The following PDE11A variants were observed in gnomAD, a reference collection of about 807,000 sequenced individuals.
PDE11A encodes the protein phosphodiesterase 11A.
A neutral mutation model predicts 100.5 loss-of-function variants in PDE11A; 100 were observed. The observed-to-expected ratio is 1.00, with a 90% CI of 0.85 to 1.18. The LOEUF (loss-of-function observed/expected upper bound fraction) is 1.18. Among genes scored for constraint, PDE11A ranks in the 50% most tolerant of loss-of-function variants. The probability of loss-of-function intolerance (pLI) is 0.00; values close to 1 mark genes in which losing one functional copy is unlikely to be tolerated. For synonymous variants in PDE11A, 381 were observed against 420.8 expected, an observed-to-expected ratio of 0.91 and a Z score of 1.16; for missense variants, 1,141 against 1,152.6, an observed-to-expected ratio of 0.99 and a Z score of 0.15.
At chr2:177,635,539 A>G (rs1273613890) in intron 19 of PDE11A, among the ~76,000 whole-genome samples, 1 of 152,196 alleles carries the variant, frequency 6.6e-6, no homozygotes, top group Non-Finnish European at 1.5e-5. Context: ...TGTGACCAGC[A>G]TATACAGTTT....
chr2:177,998,542 AT>A (rs2086105206), intron 2 of PDE11A: 1 of 1,324,034 alleles, frequency 7.6e-7, no homozygotes, highest in South Asian at 1.2e-5. Context: ...CGTCAAATAG[AT>A]ACATCTTCAT....
chr2:177,943,842 G>A (rs1395065762), intron 2 of PDE11A, among the ~76,000 whole-genome samples: 2 of 152,026 alleles, frequency 1.3e-5, no homozygotes, highest in Non-Finnish European at 2.9e-5. Flanking sequence ...ATTCCTACTA[G>A]GTTTTATGGT....
chr2:177,855,295 G>A (rs929739598), intron 5 of PDE11A, among the ~76,000 whole-genome samples: 5 of 151,990 alleles, frequency 3.3e-5, no homozygotes, highest in African/African-American at 1.2e-4. Flanking sequence ...AAGAGAAGAG[G>A]AAAGAAGTTC....
chr2:177,840,378 T>C lies in PDE11A; in HGVS notation c.1373A>G (p.Lys458Arg), dbSNP rs1243001543. 9.9e-6 allele frequency: 16 copies of C among 1,613,796 alleles called. No individual in the cohort carries two copies. Among genetic ancestry groups the C allele is most frequent in the Non-Finnish European group, 1.4e-5 (16 of 1,179,810 alleles). Residue 458 changes from lysine to arginine, a missense_variant, in exon 6 of 20, where the codon AAA becomes AGA. Lys to Arg is a conservative substitution (Grantham distance 26). Coordinates refer to ENST00000286063, the MANE Select transcript of PDE11A (RefSeq NM_016953.4). ...GTATGATGATTTCTCCATGCTTTCT[T>C]TGAAACTATCAGAGCACCAAGGTAG... ...KCSADAENSF[K>R]ESMEKSSYSD... is the part of the protein sequence containing the mutation.
At chr2:178,030,162 G>GA (rs550318282) in intron 1 of PDE11A, among the ~76,000 whole-genome samples, 1 of 151,424 alleles carries the variant, frequency 6.6e-6, no homozygotes, top group Non-Finnish European at 1.5e-5. Context: ...AATCAGGAGA[G>GA]AAAAAAAAGA....
At chr2:177,675,032 G>A (rs1221951764) in intron 17 of PDE11A, among the ~76,000 whole-genome samples, 4 of 151,790 alleles carry the variant, frequency 2.6e-5, no homozygotes, top group African/African-American at 9.7e-5. Flanking sequence ...GACCACAGAG[G>A]TTTCTGATAT....
At chr2:177,838,606 G>A (rs1256007243) in intron 6 of PDE11A, among the ~76,000 whole-genome samples, 1 of 152,174 alleles carries the variant, frequency 6.6e-6, no homozygotes. Context: ...CTCCCCCAGA[G>A]GCCTAGCTAA....
At chr2:177,789,501 C>G (rs1367637711) in intron 9 of PDE11A, among the ~76,000 whole-genome samples, 3 of 151,540 alleles carry the variant, frequency 2.0e-5, no homozygotes, top group African/African-American at 7.3e-5. Context: ...CCCTCTGTCA[C>G]CACTCCTATT....
At chr2:177,768,698 T>G (rs1311407981) in intron 10 of PDE11A, among the ~76,000 whole-genome samples, 15 of 152,184 alleles carry the variant, frequency 9.9e-5, no homozygotes, top group Admixed American at 9.8e-4. Flanking sequence ...CATCAGATGT[T>G]GGAGTTGAAA....
intron 4 of PDE11A, among the ~76,000 whole-genome samples, chr2:177,887,316 A>G (rs1350981311): frequency 1.3e-5 from 2 of 152,240 alleles, no homozygotes; most frequent in African/African-American, 4.8e-5. Context: ...AGAATCTGTT[A>G]AGCTAAAAAT....
Position 177,822,685 on chromosome 2 carries a change from T to C in PDE11A, c.1501-2390A>G, listed in dbSNP as rs2083159211. On this transcript the variant is annotated intron_variant, in intron 6 of 19. Transcript: ENST00000286063. Reference sequence around the variant, plus strand: ...TGAATCTATCTGTTTGGGGGAGAATTGACACCTTTACAAAACTGAGTCTTT... The same window carrying C: ...TGAATCTATCTGTTTGGGGGAGAATCGACACCTTTACAAAACTGAGTCTTT... 1.3e-5 allele frequency among the ~76,000 whole-genome samples: 2 copies of C among 152,244 alleles called. 1 individual carries two copies. The highest frequency in any genetic ancestry group is 4.1e-4 in the South Asian group (2 of 4,830).
chr2:178,067,479 T>C (rs2087062625), intron 1 of PDE11A, among the ~76,000 whole-genome samples: 1 of 152,210 alleles, frequency 6.6e-6, no homozygotes, highest in South Asian at 2.1e-4. Flanking sequence ...CTCTCCCTTA[T>C]ACATATTTTA....
At chr2:178,086,424 C>A (rs780188887) in intron 2 of PDE11A, among the ~76,000 whole-genome samples, 10 of 152,118 alleles carry the variant, frequency 6.6e-5, no homozygotes, top group Non-Finnish European at 1.5e-4. Flanking sequence ...TACCATAATG[C>A]ACAATAAATA....
At position 177,701,135 on chromosome 2, in the gene PDE11A, T is replaced by G. The variant is rs774047059; in HGVS notation, c.2230A>C (p.Ile744Leu). 72 of 1,593,662 alleles carry G rather than the reference T, an allele frequency of 4.5e-5. No individual in the cohort carries two copies. The highest frequency in any genetic ancestry group is 6.2e-5 in the Non-Finnish European group (72 of 1,161,446). ...EHHHFNHAVM[I>L]LQSEGHNIFA... is the part of the protein sequence containing the mutation. ...CAGGCCTGTACCTCACTTTGAAGGATCATCACGGCGTGGTTGAAATGGTGA... is the reference window on the plus strand; with the variant it reads ...CAGGCCTGTACCTCACTTTGAAGGAGCATCACGGCGTGGTTGAAATGGTGA... Residue 744 changes from isoleucine (I) to leucine (L), a missense_variant, in exon 14 of 20, where the codon ATC becomes CTC. Transcript: ENST00000286063.
chr2:177,700,627 A>G (rs959978863), intron 14 of PDE11A, among the ~76,000 whole-genome samples: 9 of 152,172 alleles, frequency 5.9e-5, no homozygotes, highest in African/African-American at 1.9e-4. Flanking sequence ...TGCAGTTCTC[A>G]CTTCCTAACT....
chr2:177,995,088 A>G (rs2086054159), intron 2 of PDE11A, among the ~76,000 whole-genome samples: 2 of 152,170 alleles, frequency 1.3e-5, no homozygotes, highest in African/African-American at 4.8e-5. Context: ...TATAAGGAGG[A>G]AAAGTGGAAA....
chr2:178,102,390 G>A (rs140320758), intron 2 of PDE11A, among the ~76,000 whole-genome samples: 1,794 of 148,306 alleles, frequency 0.012, 32 homozygotes, highest in East Asian at 0.073. Context: ...CTCCCAAAGT[G>A]CTGGGATTAC....
At chr2:177,962,958 G>C (rs2085653481) in intron 2 of PDE11A, among the ~76,000 whole-genome samples, 1 of 152,092 alleles carries the variant, frequency 6.6e-6, no homozygotes, top group African/African-American at 2.4e-5. Flanking sequence ...ATTTCCCGAA[G>C]ATCAAAGTTT....
intron 12 of PDE11A, among the ~76,000 whole-genome samples, chr2:177,717,781 G>C (rs1276874179): frequency 1.3e-5 from 2 of 152,040 alleles, no homozygotes; most frequent in African/African-American, 2.4e-5. Context: ...ATAATAACTA[G>C]AACTCCAAAA....
Sources: gnomAD v4.1 joint callset for allele counts (sites outside exome capture counted in the v4.1 genomes callset) on GRCh38, gnomAD v4.1.1 for gene constraint, MANE v1.5 for transcripts, NCBI Gene and HGNC (gene_info 2026-07-23, HGNC 2026-07-21) for gene names.